BCL9: variants seen among roughly 807,000 people sequenced by gnomAD.
BCL9 encodes BCL9 transcription coactivator, also known as B-cell CLL/lymphoma 9 protein.
In BCL9, 25 loss-of-function variants were observed where a neutral mutation model predicts 88.5. The ratio of observed to expected loss-of-function variants is 0.28; its 90% CI spans 0.21 to 0.39. BCL9 has a LOEUF of 0.39. Ranked by LOEUF, BCL9 falls within the 10% of genes least tolerant of loss-of-function variation. The pLI is 1.00. For missense variants in BCL9, 1,817 were observed against 1,877.8 expected, an observed-to-expected ratio of 0.97 and a Z score of 0.60; for synonymous variants, 711 against 673.3, an observed-to-expected ratio of 1.06 and a Z score of -0.87.
intron 2 of BCL9, among the ~76,000 whole-genome samples, chr1:147,605,208 A>AG (rs1487391225): frequency 6.6e-6 from 1 of 152,242 alleles, no homozygotes; most frequent in Non-Finnish European, 1.5e-5. Context: ...TGCAAGGTAA[A>AG]GGTAGCAATA....
At chr1:147,608,613 A>T (rs1385313800) in intron 3 of BCL9, among the ~76,000 whole-genome samples, 2 of 152,156 alleles carry the variant, frequency 1.3e-5, no homozygotes, top group East Asian at 3.9e-4. Flanking sequence ...TCTTCCTATT[A>T]AGTACTGGGC....
rs1553205313 is a variant in BCL9 at position 147,621,040 on chromosome 1, T to C, written c.2885T>C (p.Leu962Pro). ...CTCACCATGGCCTCCCCAGCCATGC[T>C]GGGAAATGTAGAGTCAGGTCAGTAT... ...APLTMASPAM[L>P]GNVESGGPPP... The change falls in exon 8 of 10, where the codon CTG becomes CCG. Residue 962 changes from leucine (L) to proline (P), a missense_variant. Physicochemically the swap from Leu to Pro is moderately conservative, Grantham distance 98. Coordinates refer to ENST00000234739, the MANE Select transcript of BCL9 (RefSeq NM_004326.4). 2 of 1,613,386 alleles carry C rather than the reference T, an allele frequency of 1.2e-6. No individual in the cohort carries two copies. The highest frequency in any genetic ancestry group is 1.1e-5 in the South Asian group (1 of 91,048).
At chr1:147,573,224 G>A (rs587600976) in intron 1 of BCL9, among the ~76,000 whole-genome samples, 5 of 152,330 alleles carry the variant, frequency 3.3e-5, no homozygotes, top group Non-Finnish European at 7.3e-5. Context: ...GACCATGTGG[G>A]TGGATCATCT....
intron 1 of BCL9, among the ~76,000 whole-genome samples, chr1:147,560,999 C>T (rs782260160): frequency 1.4e-4 from 21 of 152,162 alleles, no homozygotes; most frequent in Admixed American, 7.9e-4. Context: ...GCAAATGTTA[C>T]GCCCATTTTC....
chr1:147,623,325 C>A (rs782666635), intron 9 of BCL9, among the ~76,000 whole-genome samples: 9 of 152,140 alleles, frequency 5.9e-5, no homozygotes, highest in Non-Finnish European at 1.3e-4. Context: ...CTTTCCTTTT[C>A]TATTAAAAGT....
rs201674618 is a variant in BCL9 at position 147,619,044 on chromosome 1, C to T, written c.889C>T (p.Pro297Ser). The change falls in exon 8 of 10, where the codon CCA becomes TCA. Residue 297 changes from proline to serine, a missense_variant. Pro to Ser is a moderately conservative substitution (Grantham distance 74). Coordinates refer to ENST00000234739, the MANE Select transcript of BCL9 (RefSeq NM_004326.4). This position sits in a 1 kb window ranked among gnomAD's most constrained non-coding sequence, Gnocchi z 4.1. The part of the protein sequence containing the change: ...PSVGSPASST[P>S]LPPDGTGPNS... ...TGTAGGAAGTCCTGCCAGCTCCACTCCACTGCCCCCAGATGGTACTGGGCC... is the reference window on the plus strand; with the variant it reads ...TGTAGGAAGTCCTGCCAGCTCCACTTCACTGCCCCCAGATGGTACTGGGCC... 1.2e-6 allele frequency: 2 copies of T among 1,610,600 alleles called. No individual in the cohort carries two copies.
intron 3 of BCL9, among the ~76,000 whole-genome samples, chr1:147,607,829 G>A (rs1657796489): frequency 6.6e-6 from 1 of 152,178 alleles, no homozygotes; most frequent in South Asian, 2.1e-4. Context: ...GTTTGATCCT[G>A]TTAAGTTTGA....
chr1:147,623,961 C>T lies in BCL9; in HGVS notation c.3283C>T (p.Pro1095Ser), dbSNP rs142326093. ...TTCTCACTCCAATCAGATGCCCTCT[C>T]CAAATGCCGTGGGACCCAACATACC... is the stretch of plus-strand genomic sequence containing the variant. ...PLSHSNQMPS[P>S]NAVGPNIPPH... Residue 1095 changes from proline to serine, a missense_variant, in exon 10 of 10, where the codon CCA becomes TCA. Coordinates refer to ENST00000234739, the MANE Select transcript of BCL9 (RefSeq NM_004326.4). The T allele has an allele frequency of 3.2e-4, 516 of 1,614,120 alleles. 1 individual carries two copies. The highest frequency in any genetic ancestry group is 2.3e-4 in the Admixed American group (14 of 60,014).
intron 1 of BCL9, among the ~76,000 whole-genome samples, chr1:147,587,423 C>A (rs782107093): frequency 6.6e-6 from 1 of 152,180 alleles, no homozygotes; most frequent in African/African-American, 2.4e-5. Flanking sequence ...GCTCTTTGCA[C>A]CTCTGCCGTT....
At position 147,618,798 on chromosome 1, in the gene BCL9, C is replaced by T; in HGVS notation, c.661-18C>T. The T allele has an allele frequency of 6.6e-7, 1 of 1,508,190 alleles. No individual in the cohort carries two copies. The highest frequency in any genetic ancestry group is 8.9e-7 in the Non-Finnish European group (1 of 1,128,790). The allele number at this position is 1,508,190 out of a possible 1,614,324, so 93.4% of individuals were successfully genotyped here. On this transcript the variant is annotated intron_variant, in intron 7 of 9. Transcript: ENST00000234739. ...GTTCAGTTTACTAATGATTTTTAAACTATTTGTTTGTCTTCAGAACACACA... is the reference window on the plus strand; with the variant it reads ...GTTCAGTTTACTAATGATTTTTAAATTATTTGTTTGTCTTCAGAACACACA...
intron 1 of BCL9, among the ~76,000 whole-genome samples, chr1:147,599,662 G>T (rs587721549): frequency 1.3e-5 from 2 of 152,196 alleles, no homozygotes; most frequent in African/African-American, 4.8e-5. Context: ...CCGCTTTAAG[G>T]GGGGAGTGGG....
At chr1:147,598,345 C>A (rs1371030482) in intron 1 of BCL9, among the ~76,000 whole-genome samples, 3 of 152,114 alleles carry the variant, frequency 2.0e-5, no homozygotes, top group Non-Finnish European at 2.9e-5. Context: ...TAATTTATAT[C>A]CTCAGTCATG....
In BCL9 at chr1:147,619,736, A is replaced by T. The variant is rs371752202; in HGVS notation, c.1581A>T (p.Ala527=). 4.9e-5 allele frequency: 79 copies of T among 1,613,932 alleles called. 1 individual carries two copies. In the African/African-American group the frequency reaches 1.0e-3, roughly 20 times the overall value. The part of the protein sequence containing the change: ...PYQMTPSEGW[A]PGGTEPFSDG... The stretch of plus-strand genomic sequence containing the variant: ...AGATGACCCCTAGTGAAGGCTGGGC[A>T]CCTGGGGGTACAGAGCCATTTTCTG... The change falls in exon 8 of 10, where the codon GCA becomes GCT. Residue 527 remains alanine, a synonymous_variant. Coordinates refer to ENST00000234739, the MANE Select transcript of BCL9 (RefSeq NM_004326.4). The surrounding 1 kb of genome is among the most constrained non-coding windows in gnomAD (Gnocchi z 4.1).
chr1:147,599,819 C>T (rs2101587106), intron 1 of BCL9, among the ~76,000 whole-genome samples: 1 of 147,112 alleles, frequency 6.8e-6, no homozygotes, highest in South Asian at 2.2e-4. Flanking sequence ...GGGCAGGGCC[C>T]TGCGGGAAGC....
rs144575417 is a variant in BCL9, at chr1:147,578,657, T to G, written c.-477-26120T>G. Among the ~76,000 whole-genome samples, 1,486 of 152,328 alleles carry G rather than the reference T, an allele frequency of 9.8e-3. 18 individuals carry two copies. The highest frequency in any genetic ancestry group is 0.015 in the Non-Finnish European group (1,020 of 68,022). On this transcript the variant is annotated intron_variant, in intron 1 of 9. Coordinates refer to ENST00000234739, the MANE Select transcript of BCL9 (RefSeq NM_004326.4). ...TTCTGACAATTTCCTACCCCTGGAA[T>G]CCTTCAGACCTTCCTCCAAAGAAAC...
In BCL9 at chr1:147,624,323, T is replaced by C. The variant is rs782323880; in HGVS notation, c.3645T>C (p.Phe1215=). Residue 1215 remains phenylalanine (F), a synonymous_variant, in exon 10 of 10, where the codon TTT becomes TTC. Transcript: ENST00000234739. The surrounding 1 kb of genome is among the most constrained non-coding windows in gnomAD (Gnocchi z 4.4). ...TVLGNSMPSV[F]TDPDLQEVIR... is the part of the protein sequence containing the mutation. ...TGGGGAACAGCATGCCTTCGGTGTT[T>C]ACAGACCCAGATCTGCAGGAGGTCA... 16 of 1,614,130 alleles carry C rather than the reference T, an allele frequency of 9.9e-6. No homozygotes were observed. Among genetic ancestry groups the C allele is most frequent in the Non-Finnish European group, 1.4e-5 (16 of 1,180,022 alleles).
rs377555958 is a variant in BCL9, at chr1:147,618,938, G to A, written c.783G>A (p.Pro261=). 9.3e-6 allele frequency: 15 copies of A among 1,613,660 alleles called. No individual in the cohort carries two copies. Among genetic ancestry groups the A allele is most frequent in the African/African-American group, 5.3e-5 (4 of 74,852 alleles). Residue 261 remains proline (P), a synonymous_variant, in exon 8 of 10, where the codon CCG becomes CCA. Coordinates refer to ENST00000234739, the MANE Select transcript of BCL9 (RefSeq NM_004326.4). ...NTRLQPTPPI[P]APAPKPAAPP... ...GACTGCAGCCAACTCCACCCATTCC[G>A]GCACCAGCACCCAAGCCTGCCGCAC...
intron 1 of BCL9, among the ~76,000 whole-genome samples, chr1:147,552,113 G>C (rs1654930079): frequency 6.6e-6 from 1 of 152,120 alleles, no homozygotes. Context: ...AAGAACTGTG[G>C]TAGTCACGGG....
rs587713614 is a variant in BCL9, at chr1:147,611,544, C to T, written c.-259-34C>T. 4 of 458,616 alleles carry T rather than the reference C, an allele frequency of 8.7e-6. No homozygotes were observed. In the South Asian group the frequency reaches 1.4e-4, roughly 16 times the overall value. 28.4% of individuals were successfully genotyped at this position (458,616 alleles called of 1,614,324 possible). On this transcript the variant is annotated intron_variant, in intron 3 of 9. Coordinates refer to ENST00000234739, the MANE Select transcript of BCL9 (RefSeq NM_004326.4). ...AGGGTGTTTTATGTCTCTGTTTTTGCTCCCAACTTTTTTTGGGTGGCCTTT... is the reference window on the plus strand; with the variant it reads ...AGGGTGTTTTATGTCTCTGTTTTTGTTCCCAACTTTTTTTGGGTGGCCTTT...
Sources: gnomAD v4.1 joint callset for allele counts (sites outside exome capture counted in the v4.1 genomes callset) on GRCh38, gnomAD v4.1.1 for gene constraint, Gnocchi (gnomAD v3.1) non-coding constraint, MANE v1.5 for transcripts, NCBI Gene and HGNC (gene_info 2026-07-23, HGNC 2026-07-21) for gene names.